The following DPP6 variants were observed in gnomAD, a reference collection of about 807,000 sequenced individuals.
DPP6 encodes A-type potassium channel modulatory protein DPP6.
In DPP6, 69 loss-of-function variants were observed where a neutral mutation model predicts 122.6. The observed-to-expected ratio is 0.56, with a 90% CI of 0.46 to 0.69. The LOEUF (loss-of-function observed/expected upper bound fraction) is 0.69. DPP6 is among the 30% of genes least tolerant of loss of function. The pLI, the probability that DPP6 is intolerant of heterozygous loss-of-function variation, is 0.00. For missense variants in DPP6, 928 were observed against 1,116.9 expected (o/e 0.83, Z 2.41); for synonymous variants, 418 against 433.1 (o/e 0.97, Z 0.43).
intron 1 of DPP6, among the ~76,000 whole-genome samples, chr7:153,888,181 G>T (rs1445186835): frequency 6.6e-6 from 1 of 152,176 alleles, no homozygotes; most frequent in Non-Finnish European, 1.5e-5. Flanking sequence ...CTCGAGACCT[G>T]TTGGGTCTGC....
chr7:154,016,721 A>T (rs1798436685), intron 1 of DPP6, among the ~76,000 whole-genome samples: 1 of 152,128 alleles, frequency 6.6e-6, no homozygotes, highest in African/African-American at 2.4e-5. Flanking sequence ...ATTTTGGGGG[A>T]ACTTTCATAC....
chr7:154,706,871 T>C (rs570288810), intron 7 of DPP6, among the ~76,000 whole-genome samples: 45 of 152,338 alleles, frequency 3.0e-4, no homozygotes, highest in African/African-American at 8.7e-4. Flanking sequence ...TCCTTTAGCG[T>C]TTGAAAGCTG....
the DPP6 span, among the ~76,000 whole-genome samples, chr7:153,846,408 C>T: frequency 7.2e-5 from 11 of 151,820 alleles, no homozygotes; most frequent in African/African-American, 2.7e-4. Flanking sequence ...CCAGTCTGCT[C>T]TTTATTCTTC....
intron 1 of DPP6, among the ~76,000 whole-genome samples, chr7:153,901,080 A>G (rs530046683): frequency 6.6e-6 from 1 of 152,310 alleles, no homozygotes; most frequent in Non-Finnish European, 1.5e-5. Context: ...TACTGCAGAT[A>G]AGATTCCCAA....
At chr7:154,805,976 C>T (rs1032299063) in intron 15 of DPP6, among the ~76,000 whole-genome samples, 8 of 152,216 alleles carry the variant, frequency 5.3e-5, no homozygotes, top group African/African-American at 1.4e-4. Context: ...CTGTTGCCCC[C>T]GCCCCACTGC....
intron 1 of DPP6, among the ~76,000 whole-genome samples, chr7:154,128,776 T>G (rs1416334052): frequency 6.7e-6 from 1 of 150,326 alleles, no homozygotes; most frequent in Non-Finnish European, 1.5e-5. Context: ...CCTGGGACAC[T>G]GCTCCAAAGG....
chr7:154,778,976 C>CA (rs1349836231), intron 10 of DPP6, among the ~76,000 whole-genome samples: 1 of 149,168 alleles, frequency 6.7e-6, no homozygotes, highest in Non-Finnish European at 1.5e-5. Context: ...CCGCTACCAC[C>CA]ATCACCTCCA....
At chr7:154,571,658 C>G (rs958654823) in intron 5 of DPP6, among the ~76,000 whole-genome samples, 13 of 152,288 alleles carry the variant, frequency 8.5e-5, no homozygotes, top group East Asian at 1.9e-4. Flanking sequence ...GAACATCATT[C>G]TGGTCCAAAT....
chr7:154,813,010 CA>C (rs1799165686), intron 16 of DPP6, among the ~76,000 whole-genome samples: 1 of 151,818 alleles, frequency 6.6e-6, no homozygotes, highest in Non-Finnish European at 1.5e-5. Flanking sequence ...ATTGTACATA[CA>C]AACCTAAAAA....
intron 1 of DPP6, among the ~76,000 whole-genome samples, chr7:154,331,685 T>C (rs372589201): frequency 1.3e-5 from 2 of 152,178 alleles, no homozygotes; most frequent in Non-Finnish European, 2.9e-5. Flanking sequence ...TGCTGTGCTG[T>C]GCCTGTGTGC....
intron 1 of DPP6, among the ~76,000 whole-genome samples, chr7:154,150,086 G>T (rs565071119): frequency 5.6e-4 from 85 of 152,286 alleles, no homozygotes; most frequent in African/African-American, 1.9e-3. Context: ...GATCACAGTG[G>T]GATTCTGATG....
rs558724359 is a variant in DPP6 at position 154,840,091 on chromosome 7, C to T, written c.1667-13689C>T. Among the ~76,000 whole-genome samples, 14 of 152,286 alleles carry T rather than the reference C, an allele frequency of 9.2e-5. No individual in the cohort carries two copies. The East Asian group carries it at 2.5e-3, about 27-fold the overall frequency. On this transcript the variant is annotated intron_variant, in intron 16 of 25. Coordinates refer to ENST00000377770, the MANE Select transcript of DPP6 (RefSeq NM_130797.4). ...AAAACGGGGTTTGCTTGCGCTACAT[C>T]CTCGAGTCCAAAAAGAAAAGCAGGT...
intron 1 of DPP6, among the ~76,000 whole-genome samples, chr7:153,890,682 A>ATTTT: frequency 1.5e-5 from 2 of 132,880 alleles, no homozygotes; most frequent in African/African-American, 6.2e-5. Flanking sequence ...TCAGTTTAGA[A>ATTTT]CTTTTTTTTT....
intron 1 of DPP6, among the ~76,000 whole-genome samples, chr7:153,962,140 A>G (rs529271781): frequency 2.0e-4 from 31 of 151,922 alleles, no homozygotes; most frequent in Middle Eastern, 3.4e-3. Context: ...CTTCTCCAGA[A>G]GACTTTATCT....
At chr7:154,061,200 C>A (rs1281370742) in intron 1 of DPP6, among the ~76,000 whole-genome samples, 715 of 148,634 alleles carry the variant, frequency 4.8e-3, no homozygotes, top group African/African-American at 0.015. Context: ...CAGTATTAGC[C>A]AAGCCTTTGT....
At chr7:154,411,366 A>T (rs2151205933) in intron 1 of DPP6, among the ~76,000 whole-genome samples, 1 of 152,202 alleles carries the variant, frequency 6.6e-6, no homozygotes, top group Middle Eastern at 3.4e-3. Flanking sequence ...CACCCTCCCA[A>T]GTAGCTGGGA....
At chr7:154,695,244 G>A (rs1453871631) in intron 7 of DPP6, among the ~76,000 whole-genome samples, 1 of 152,176 alleles carries the variant, frequency 6.6e-6, no homozygotes, top group Admixed American at 6.5e-5. Flanking sequence ...CGGGTACCTG[G>A]ACCACAGTGG....
At chr7:154,336,299 C>T (rs759527900) in intron 1 of DPP6, among the ~76,000 whole-genome samples, 2 of 152,118 alleles carry the variant, frequency 1.3e-5, no homozygotes, top group African/African-American at 2.4e-5. Flanking sequence ...AGAAGATGCA[C>T]GGCGTCTCAT....
intron 1 of DPP6, among the ~76,000 whole-genome samples, chr7:154,366,395 G>A (rs1242610587): frequency 6.6e-6 from 1 of 152,218 alleles, no homozygotes; most frequent in Non-Finnish European, 1.5e-5. Context: ...GTACCTTGAG[G>A]TTGACCGGAT....
Sources: allele counts gnomAD v4.1 joint callset (sites outside exome capture counted in the v4.1 genomes callset), GRCh38; gene constraint gnomAD v4.1.1; transcripts MANE v1.5; gene names NCBI Gene and HGNC (gene_info 2026-07-23, HGNC 2026-07-21).